Variants in STXBP5 observed in about 807,000 individuals in gnomAD.
The protein encoded by STXBP5 is syntaxin-binding protein 5.
In STXBP5, 50 loss-of-function variants were observed where a neutral mutation model predicts 152.4. The observed-to-expected ratio is 0.33, with a 90% confidence interval of 0.26 to 0.42. The LOEUF is 0.42. Among genes scored for constraint, STXBP5 ranks in the 10% least tolerant of loss-of-function variants. STXBP5 has a pLI of 1.00. For synonymous variants in STXBP5, 492 were observed against 494.7 expected (o/e 0.99, Z 0.07); for missense variants, 1,167 against 1,388.6 (o/e 0.84, Z 2.54).
chr6:147,212,020 T>C (rs573140936), intron 2 of STXBP5, among the ~76,000 whole-genome samples: 1 of 152,210 alleles, frequency 6.6e-6, no homozygotes, highest in Non-Finnish European at 1.5e-5. Flanking sequence ...AACTGTTAGC[T>C]CCTTTAGCTC....
intron 7 of STXBP5, among the ~76,000 whole-genome samples, chr6:147,268,203 G>T (rs1369899818): frequency 1.3e-5 from 2 of 152,112 alleles, no homozygotes; most frequent in African/African-American, 4.8e-5. Flanking sequence ...ACTTTGGTCA[G>T]TGTACCTCCT....
chr6:147,281,101 A>T (rs1164951423), intron 8 of STXBP5, among the ~76,000 whole-genome samples: 1 of 152,176 alleles, frequency 6.6e-6, no homozygotes, highest in Non-Finnish European at 1.5e-5. Context: ...TTCATGGCAA[A>T]GCTGGAGTAC....
At chr6:147,348,311 C>T (rs1400284356) in intron 21 of STXBP5, among the ~76,000 whole-genome samples, 14 of 152,004 alleles carry the variant, frequency 9.2e-5, no homozygotes, top group Non-Finnish European at 1.9e-4. Flanking sequence ...CCATTACAGA[C>T]ATCCTAGGAT....
At chr6:147,292,848 G>C (rs1408602595) in intron 9 of STXBP5, 1 of 152,006 alleles carries the variant, frequency 6.6e-6, no homozygotes, top group African/African-American at 2.4e-5. Flanking sequence ...ATGAGTTCAG[G>C]TTTCTTCAAG....
Position 147,312,758 on chromosome 6 carries a change from G to A in STXBP5, c.1146-1126G>A, listed in dbSNP as rs559354116. ...TACTTTTACTAATCAATTGTGAGGA[G>A]TCTTTTCAAAATAACAAGATAATTT... On this transcript the variant is annotated intron_variant, in intron 11 of 27. Coordinates refer to ENST00000321680, the MANE Select transcript of STXBP5 (RefSeq NM_001127715.4). Among the ~76,000 whole-genome samples the A allele has an allele frequency of 2.0e-4, 30 of 152,216 alleles. No individual in the cohort carries two copies. In the South Asian group the frequency reaches 5.8e-3, roughly 29 times the overall value.
chr6:147,319,964 C>T (rs1782837977), intron 16 of STXBP5, among the ~76,000 whole-genome samples: 1 of 151,524 alleles, frequency 6.6e-6, no homozygotes, highest in Non-Finnish European at 1.5e-5. Context: ...AACTCAGCCT[C>T]CCATGTAGCT....
In STXBP5 at chr6:147,209,722, G is replaced by A. The variant is rs75497010; in HGVS notation, c.248+3654G>A. Among the ~76,000 whole-genome samples, 1,101 of 152,274 alleles carry A rather than the reference G, an allele frequency of 7.2e-3. 13 individuals carry two copies. Among genetic ancestry groups the A allele is most frequent in the African/African-American group, 0.025 (1,056 of 41,554 alleles). On this transcript the variant is annotated intron_variant, in intron 2 of 27. Transcript: ENST00000321680. The stretch of plus-strand genomic sequence containing the variant: ...TGGGGCTCTACTGACATTACACAAA[G>A]TCAGGTTACATGTAAATTTGTTGCA...
rs1018883844 is a variant in STXBP5, at chr6:147,205,951, T to C, written c.151-20T>C. 1 of 1,600,622 alleles carries C rather than the reference T, an allele frequency of 6.2e-7. No individual in the cohort carries two copies. The highest frequency in any genetic ancestry group is 8.5e-7 in the Non-Finnish European group (1 of 1,170,600). ...TCGCTTGCTGCCTTGGTTGCTGTGA[T>C]GTCACTTGCCCATCCCTAGACTGTT... On this transcript the variant is annotated intron_variant, in intron 1 of 27. Coordinates refer to ENST00000321680, the MANE Select transcript of STXBP5 (RefSeq NM_001127715.4).
intron 6 of STXBP5, among the ~76,000 whole-genome samples, chr6:147,263,721 C>T (rs1319873944): frequency 6.6e-6 from 1 of 151,872 alleles, no homozygotes; most frequent in South Asian, 2.1e-4. Context: ...TTGGAATTCT[C>T]TTTCCATCTC....
At chr6:147,305,454 A>T (rs1299130229) in intron 9 of STXBP5, among the ~76,000 whole-genome samples, 6 of 152,154 alleles carry the variant, frequency 3.9e-5, no homozygotes, top group Non-Finnish European at 8.8e-5. Flanking sequence ...TAGATTAAAA[A>T]ACTTAGTAGA....
chr6:147,250,226 T>A (rs1779015023), intron 4 of STXBP5, among the ~76,000 whole-genome samples: 1 of 152,166 alleles, frequency 6.6e-6, no homozygotes, highest in East Asian at 1.9e-4. Context: ...TGGTCTTGAA[T>A]CCTAAGAAAA....
chr6:147,218,706 C>A (rs1342430140), intron 2 of STXBP5, among the ~76,000 whole-genome samples: 1 of 152,148 alleles, frequency 6.6e-6, no homozygotes, highest in Non-Finnish European at 1.5e-5. Context: ...GTCTTGAACT[C>A]CTGGGCTGCA....
intron 7 of STXBP5, among the ~76,000 whole-genome samples, chr6:147,274,544 A>G (rs1287017314): frequency 6.6e-6 from 1 of 152,174 alleles, no homozygotes; most frequent in Non-Finnish European, 1.5e-5. Context: ...AAAAGTTCAC[A>G]AGTTTAAAAT....
At chr6:147,339,459 G>A in intron 21 of STXBP5, 75 bp downstream of exon 21, 1 of 1,116,446 alleles carries the variant, frequency 9.0e-7, no homozygotes, top group Non-Finnish European at 1.2e-6. Flanking sequence ...GAATTATCCA[G>A]TGCATTGCAT....
intron 4 of STXBP5, among the ~76,000 whole-genome samples, chr6:147,245,447 A>T (rs1778764531): frequency 6.6e-6 from 1 of 152,192 alleles, no homozygotes; most frequent in African/African-American, 2.4e-5. Context: ...TGTCTGCTGT[A>T]TAATTTTTAT....
chr6:147,275,759 G>A (rs552417098), intron 7 of STXBP5, among the ~76,000 whole-genome samples: 34 of 151,612 alleles, frequency 2.2e-4, no homozygotes, highest in Non-Finnish European at 4.0e-4. Flanking sequence ...GGGTTTCACC[G>A]TGTTAGCCAG....
chr6:147,326,998 T>A (rs1783292713), intron 17 of STXBP5, 127 bp from the exon 18 acceptor site: 1 of 762,422 alleles, frequency 1.3e-6, no homozygotes, highest in Admixed American at 3.0e-5. Context: ...GTTCCTATAG[T>A]TGTCTTTTGT....
At chr6:147,366,724 TC>T (rs1322696211) in intron 25 of STXBP5, among the ~76,000 whole-genome samples, 1 of 152,192 alleles carries the variant, frequency 6.6e-6, no homozygotes, top group East Asian at 1.9e-4. Flanking sequence ...CTGCATAGAC[TC>T]CTTTTCCTTG....
chr6:147,287,254 G>C (rs983007485), intron 8 of STXBP5, among the ~76,000 whole-genome samples: 1 of 131,996 alleles, frequency 7.6e-6, no homozygotes, highest in African/African-American at 2.9e-5. Flanking sequence ...CCAGGCTGGA[G>C]TGCAGTGGCG....
Sources: gnomAD v4.1 joint callset for allele counts (sites outside exome capture counted in the v4.1 genomes callset) on GRCh38, gnomAD v4.1.1 for gene constraint, MANE v1.5 for transcripts, NCBI Gene and HGNC (gene_info 2026-07-23, HGNC 2026-07-21) for gene names.